Variants in UBN1 observed in about 807,000 individuals in gnomAD.
The protein encoded by UBN1 is ubinuclein 1.
A neutral mutation model predicts 108.5 loss-of-function variants in UBN1; 17 were observed. The ratio of observed to expected loss-of-function variants is 0.16; its 90% confidence interval spans 0.11 to 0.24. The LOEUF is 0.24. Ranked by LOEUF, UBN1 falls within the 10% of genes least tolerant of loss-of-function variation. UBN1 has a pLI of 1.00. For synonymous variants in UBN1, 726 were observed against 564.2 expected (o/e 1.29, Z -4.07); for missense variants, 1,595 against 1,394.4 (o/e 1.14, Z -2.29).
In UBN1 at chr16:4,861,024, C is replaced by G; in HGVS notation, c.1032C>G (p.Asp344Glu). 6.2e-7 allele frequency: 1 copy of G among 1,614,168 alleles called. No homozygotes were observed. Among genetic ancestry groups the G allele is most frequent in the Non-Finnish European group, 8.5e-7 (1 of 1,180,042 alleles). ...GTGATTCCCTTGGGGTGGGATTGGA[C>G]CAGGAATTCAGGCAGCCCTCTTCTC... Reference protein sequence around the residue: ...DGSDSLGVGLDQEFRQPSSLP... With the variant: ...DGSDSLGVGLEQEFRQPSSLP... The change falls in exon 7 of 18, where the codon GAC becomes GAG. Residue 344 changes from aspartate (D) to glutamate (E), a missense_variant. Asp to Glu is a conservative substitution (Grantham distance 45). Transcript: ENST00000262376.
Position 4,877,301 on chromosome 16 carries a change from G to T in UBN1, c.3266-84G>T. 1 of 1,544,598 alleles carries T rather than the reference G, an allele frequency of 6.5e-7. No individual in the cohort carries two copies. The highest frequency in any genetic ancestry group is 8.8e-7 in the Non-Finnish European group (1 of 1,141,016). On this transcript the variant is annotated intron_variant, in intron 16 of 17. Coordinates refer to ENST00000262376, the MANE Select transcript of UBN1 (RefSeq NM_001079514.3). This position sits in a 1 kb window ranked among gnomAD's most constrained non-coding sequence, Gnocchi z 4.3. ...CAGACTGGCCTGGCAGGTTATCGGGGGCTTTTGGCTGCTGGAGCTGCTTTC... is the reference window on the plus strand; with the variant it reads ...CAGACTGGCCTGGCAGGTTATCGGGTGCTTTTGGCTGCTGGAGCTGCTTTC...
At chr16:4,852,378 C>G (rs1025368916) in intron 1 of UBN1, 1 of 153,424 alleles carries the variant, frequency 6.5e-6, no homozygotes, top group Non-Finnish European at 1.5e-5. Flanking sequence ...GGAAGTGAGC[C>G]TAGCCACACC....
rs184627030 is a variant in UBN1, at chr16:4,868,919, C to G, written c.1181+16C>G. 1.3e-4 allele frequency: 203 copies of G among 1,612,112 alleles called. No individual in the cohort carries two copies. In the African/African-American group the frequency reaches 2.4e-3, roughly 19 times the overall value. On this transcript the variant is annotated intron_variant, in intron 8 of 17. Transcript: ENST00000262376. Reference sequence around the variant, plus strand: ...TCCTATTAGAGTGAGTATCGTCTGTCTGTCTGTCTGTCTGTCTGTTTCTGC... The same window carrying G: ...TCCTATTAGAGTGAGTATCGTCTGTGTGTCTGTCTGTCTGTCTGTTTCTGC...
chr16:4,873,096 C>T (rs1293719469), intron 14 of UBN1, 23 bp downstream of exon 14: 2 of 1,614,162 alleles, frequency 1.2e-6, no homozygotes, highest in Non-Finnish European at 8.5e-7. Context: ...GCTCGGGTCA[C>T]ATGTCAGCTA....
Position 4,847,681 on chromosome 16 carries a change from C to T in UBN1, c.-569C>T, listed in dbSNP as rs1012691371. ...GTCCGGCGCGGGCCCCGGGGCCATT[C>T]CCGAGCCCGAGGCGCTGGTCGGCCC... On this transcript the variant is annotated 5_prime_UTR_variant, in exon 1 of 18. Coordinates refer to ENST00000262376, the MANE Select transcript of UBN1 (RefSeq NM_001079514.3). The T allele has an allele frequency of 3.8e-5, 7 of 185,366 alleles. No individual in the cohort carries two copies. Among genetic ancestry groups the T allele is most frequent in the African/African-American group, 1.4e-4 (6 of 41,898 alleles). The allele number at this position is 185,366 out of a possible 1,614,324, so 11.5% of individuals were successfully genotyped here. A position where few individuals can be genotyped will look rare whatever the true frequency, so the allele number is the denominator to read the frequency against.
intron 11 of UBN1, 49 bp downstream of exon 11, chr16:4,871,021 G>A: frequency 6.2e-7 from 1 of 1,609,890 alleles, no homozygotes. Flanking sequence ...GTGGGGCAGT[G>A]TCTGAGCACG....
chr16:4,871,368 A>G, intron 12 of UBN1, 67 bp downstream of exon 12: 1 of 1,559,884 alleles, frequency 6.4e-7, no homozygotes, highest in Non-Finnish European at 8.7e-7. Context: ...CTTTTGTGCC[A>G]GGCCAACAGG....
Position 4,875,080 on chromosome 16 carries a change from T to C in UBN1, c.2670T>C (p.His890=), listed in dbSNP as rs148772456. The C allele has an allele frequency of 2.0e-4, 319 of 1,614,092 alleles. 1 individual carries two copies. The African/African-American group carries it at 3.8e-3, about 19-fold the overall frequency. Residue 890 remains histidine, a synonymous_variant, in exon 15 of 18, where the codon CAT becomes CAC. Coordinates refer to ENST00000262376, the MANE Select transcript of UBN1 (RefSeq NM_001079514.3). ...CCCTGAGCCATCCAGCAAAGCCACA[T>C]TCAGTCAGCTCTGCAGGCTCATCTT... is the stretch of plus-strand genomic sequence containing the variant. ...SSALSHPAKP[H]SVSSAGSSYK...
At chr16:4,867,374 G>T (rs2087386809) in intron 7 of UBN1, among the ~76,000 whole-genome samples, 1 of 151,646 alleles carries the variant, frequency 6.6e-6, no homozygotes, top group African/African-American at 2.4e-5. Flanking sequence ...GGGTTGATTT[G>T]AGGGATGCTA....
rs2087034593 is a variant in UBN1, at chr16:4,861,047, C to G, written c.1055C>G (p.Ser352Cys). 1.2e-6 allele frequency: 2 copies of G among 1,614,044 alleles called. No individual in the cohort carries two copies. The highest frequency in any genetic ancestry group is 1.7e-5 in the Admixed American group (1 of 60,028). Residue 352 changes from serine (S) to cysteine (C), a missense_variant, in exon 7 of 18, where the codon TCT becomes TGT. Physicochemically the swap from Ser to Cys is moderately radical, Grantham distance 112. Transcript: ENST00000262376. ...GLDQEFRQPSSLPEGLPAPLE... is the reference protein window; with the variant it reads ...GLDQEFRQPSCLPEGLPAPLE... ...GACCAGGAATTCAGGCAGCCCTCTT[C>G]TCTCCCCGAAGGCCTGCCAGCACCC...
In UBN1 at chr16:4,877,577, C is replaced by T. The variant is rs1047650317; in HGVS notation, c.3355+103C>T. 44 of 1,455,702 alleles carry T rather than the reference C, an allele frequency of 3.0e-5. No homozygotes were observed. Among genetic ancestry groups the T allele is most frequent in the East Asian group, 2.3e-4 (9 of 39,460 alleles). The allele number at this position is 1,455,702 out of a possible 1,614,324, so 90.2% of individuals were successfully genotyped here. A position where few individuals can be genotyped will look rare whatever the true frequency, so the allele number is the denominator to read the frequency against. On this transcript the variant is annotated intron_variant, in intron 17 of 17. Coordinates refer to ENST00000262376, the MANE Select transcript of UBN1 (RefSeq NM_001079514.3). The surrounding 1 kb of genome is among the most constrained non-coding windows in gnomAD (Gnocchi z 4.3). ...AAGGGTCTTGGTGTCTTTGCCTTGA[C>T]GCTGTTGTTGTTTTGGTTTGTCCTT...
rs2088076948 is a variant in UBN1 at position 4,881,578 on chromosome 16, G to A, written c.*1446G>A. The A allele has an allele frequency of 6.6e-6, 1 of 152,180 alleles. No homozygotes were observed. The highest frequency in any genetic ancestry group is 2.4e-5 in the African/African-American group (1 of 41,424). 9.4% of individuals were successfully genotyped at this position (152,180 alleles called of 1,614,324 possible). A position where few individuals can be genotyped will look rare whatever the true frequency, so the allele number is the denominator to read the frequency against. On this transcript the variant is annotated 3_prime_UTR_variant, in exon 18 of 18. Transcript: ENST00000262376. ...CTTGGCTCCTGACTCCCAGGGTACAGCGCCCAGTAACTCATCCTTCATTCA... is the reference window on the plus strand; with the variant it reads ...CTTGGCTCCTGACTCCCAGGGTACAACGCCCAGTAACTCATCCTTCATTCA...
At chr16:4,851,472 A>T (rs1368918736) in intron 1 of UBN1, among the ~76,000 whole-genome samples, 1 of 152,050 alleles carries the variant, frequency 6.6e-6, no homozygotes, top group Non-Finnish European at 1.5e-5. Context: ...ACCTATATAC[A>T]CAAGTTCTTC....
chr16:4,859,215 G>T, intron 5 of UBN1, 56 bp downstream of exon 5: 1 of 1,585,578 alleles, frequency 6.3e-7, no homozygotes, highest in Non-Finnish European at 8.5e-7. Flanking sequence ...GACCCTATCA[G>T]ATCAGTAGGT....
rs1200211155 is a variant in UBN1, at chr16:4,870,562, G to A, written c.1358G>A (p.Gly453Asp). 6.2e-7 allele frequency: 1 copy of A among 1,614,280 alleles called. No homozygotes were observed. The change falls in exon 10 of 18, where the codon GGC becomes GAC. Residue 453 changes from glycine to aspartate, a missense_variant. Around this residue, in one of 3 missense-constraint regions of UBN1, gnomAD observed 1,398 missense variants for 1,194.7 expected, o/e 1.17. Transcript: ENST00000262376. Reference sequence around the variant, plus strand: ...CTCCAGAAGCTCAAGGAAGCCATTGGCAGGGCGATGCCAGAGCAGATGGCC... The same window carrying A: ...CTCCAGAAGCTCAAGGAAGCCATTGACAGGGCGATGCCAGAGCAGATGGCC... ...EPLQKLKEAI[G>D]RAMPEQMAKY...
At chr16:4,853,958 C>T (rs2086675185) in intron 2 of UBN1, among the ~76,000 whole-genome samples, 1 of 152,152 alleles carries the variant, frequency 6.6e-6, no homozygotes, top group African/African-American at 2.4e-5. Context: ...CTCCTTCTGC[C>T]CTGCCAGAAG....
At chr16:4,872,418 T>G in intron 12 of UBN1, 1 of 955,302 alleles carries the variant, frequency 1.0e-6, no homozygotes, top group Middle Eastern at 5.3e-4. Flanking sequence ...TCACCAGGAA[T>G]TTGGCTCCCC....
intron 1 of UBN1, among the ~76,000 whole-genome samples, chr16:4,849,805 C>T (rs1048752691): frequency 2.0e-5 from 3 of 151,490 alleles, no homozygotes; most frequent in Non-Finnish European, 4.4e-5. Context: ...TCATGTTGTC[C>T]AGGCTGGTCT....
At chr16:4,858,132 C>A in intron 3 of UBN1, 56 bp downstream of exon 3, 1 of 1,138,030 alleles carries the variant, frequency 8.8e-7, no homozygotes, top group Non-Finnish European at 1.3e-6. Context: ...GACGTTTCCA[C>A]ACTGTATTCC....
Sources: gnomAD v4.1 joint callset for allele counts (sites outside exome capture counted in the v4.1 genomes callset) on GRCh38, gnomAD v4.1.1 for gene constraint, gnomAD v4.1.1 regional missense constraint, Gnocchi (gnomAD v3.1) non-coding constraint, MANE v1.5 for transcripts, NCBI Gene and HGNC (gene_info 2026-07-23, HGNC 2026-07-21) for gene names.